PTPRD: variants seen among roughly 807,000 people sequenced by gnomAD.
PTPRD encodes the protein receptor-type tyrosine-protein phosphatase delta.
A neutral mutation model predicts 214.5 loss-of-function variants in PTPRD; 34 were observed. That is an observed-to-expected ratio of 0.16 (90% CI 0.12 to 0.21). PTPRD has a LOEUF of 0.21. Ranked by LOEUF, PTPRD falls within the 10% of genes least tolerant of loss-of-function variation. PTPRD has a pLI of 1.00. For missense variants in PTPRD, 2,545 were observed against 2,398.7 expected (o/e 1.06, Z -1.27); for synonymous variants, 1,128 against 845.7 (o/e 1.33, Z -5.79).
Position 8,340,325 on chromosome 9 carries a change from C to T in PTPRD, c.5253+18G>A. The T allele has an allele frequency of 6.3e-7, 1 of 1,583,214 alleles. No homozygotes were observed. Among genetic ancestry groups the T allele is most frequent in the South Asian group, 1.1e-5 (1 of 87,414 alleles). On this transcript the variant is annotated intron_variant, in intron 42 of 45. Transcript: ENST00000381196. ...AGTAAATGTCTTATGAGGAGACACACAAGGGCCACACACTTACTCTGCCCA... is the reference window on the plus strand; with the variant it reads ...AGTAAATGTCTTATGAGGAGACACATAAGGGCCACACACTTACTCTGCCCA...
chr9:9,865,965 C>G (rs7341919), intron 5 of PTPRD, among the ~76,000 whole-genome samples: 12,845 of 152,070 alleles, frequency 0.084, 1,286 homozygotes, highest in African/African-American at 0.24. Flanking sequence ...CTGAACAATT[C>G]AAGGAAGAGT....
intron 9 of PTPRD, among the ~76,000 whole-genome samples, chr9:9,206,646 C>A (rs954221062): frequency 6.6e-6 from 1 of 152,190 alleles, no homozygotes; most frequent in African/African-American, 2.4e-5. Flanking sequence ...TTGGAAAGAG[C>A]AGACTTGCTG....
chr9:8,773,831 T>G (rs1200560088), intron 11 of PTPRD, among the ~76,000 whole-genome samples: 1 of 152,196 alleles, frequency 6.6e-6, no homozygotes, highest in African/African-American at 2.4e-5. Context: ...CACTTGCACA[T>G]GCTGTTTCCT....
intron 3 of PTPRD, among the ~76,000 whole-genome samples, chr9:10,155,754 T>C (rs939136471): frequency 1.3e-5 from 2 of 152,190 alleles, no homozygotes; most frequent in Non-Finnish European, 2.9e-5. Context: ...ATTCATTGAT[T>C]TGCCTATATT....
At chr9:9,429,852 C>A (rs946275860) in intron 8 of PTPRD, among the ~76,000 whole-genome samples, 4 of 141,826 alleles carry the variant, frequency 2.8e-5, no homozygotes, top group Non-Finnish European at 3.0e-5. Context: ...AATTCAACAA[C>A]CCTTCATGCT....
intron 10 of PTPRD, chr9:9,090,801 TA>T (rs1483952482): frequency 2.9e-6 from 2 of 689,368 alleles, no homozygotes; most frequent in African/African-American, 3.5e-5. Context: ...ATTCTTCAAA[TA>T]ACTCTTAATG....
At chr9:8,591,384 A>G (rs1016277400) in intron 14 of PTPRD, among the ~76,000 whole-genome samples, 1 of 152,172 alleles carries the variant, frequency 6.6e-6, no homozygotes, top group Admixed American at 6.5e-5. Context: ...GAAAACTTCA[A>G]AGGAAGACAC....
Position 9,336,705 on chromosome 9 carries a change from A to G in PTPRD, c.-203+60744T>C, listed in dbSNP as rs146318529. ...GATAAATATCTATGAGATATATTATATAACTGCTTTACCTTATATGTGCCT... is the reference window on the plus strand; with the variant it reads ...GATAAATATCTATGAGATATATTATGTAACTGCTTTACCTTATATGTGCCT... On this transcript the variant is annotated intron_variant, in intron 9 of 45. Coordinates refer to ENST00000381196, the MANE Select transcript of PTPRD (RefSeq NM_002839.4). Among the ~76,000 whole-genome samples, 9 of 152,332 alleles carry G rather than the reference A, an allele frequency of 5.9e-5. No homozygotes were observed. In the East Asian group the frequency reaches 1.7e-3, roughly 29 times the overall value.
chr9:8,688,510 A>G (rs1466345621), intron 12 of PTPRD, among the ~76,000 whole-genome samples: 1 of 151,496 alleles, frequency 6.6e-6, no homozygotes. Context: ...GCTTGCAGTG[A>G]GCCGAGATCG....
At chr9:10,178,972 T>C (rs1365835242) in intron 3 of PTPRD, among the ~76,000 whole-genome samples, 2 of 151,288 alleles carry the variant, frequency 1.3e-5, no homozygotes, top group Non-Finnish European at 3.0e-5. Context: ...ACAATACTTT[T>C]CTAGAATTAA....
intron 5 of PTPRD, among the ~76,000 whole-genome samples, chr9:9,871,701 G>T (rs952656038): frequency 2.0e-5 from 3 of 150,704 alleles, no homozygotes; most frequent in South Asian, 2.1e-4. Flanking sequence ...GGGGCAGAGG[G>T]TATGCAACCT....
At chr9:8,666,620 A>C (rs1565124267) in intron 12 of PTPRD, among the ~76,000 whole-genome samples, 1 of 152,220 alleles carries the variant, frequency 6.6e-6, no homozygotes, top group Non-Finnish European at 1.5e-5. Context: ...GGAAGAGAAA[A>C]TACATGCACT....
chr9:9,497,237 G>A (rs1019095872), intron 8 of PTPRD, among the ~76,000 whole-genome samples: 5 of 152,104 alleles, frequency 3.3e-5, no homozygotes, highest in Admixed American at 2.6e-4. Flanking sequence ...AAAATGGTTA[G>A]GATAGTAACT....
At chr9:8,324,474 C>G (rs1440984297) in intron 44 of PTPRD, among the ~76,000 whole-genome samples, 1 of 152,134 alleles carries the variant, frequency 6.6e-6, no homozygotes, top group Non-Finnish European at 1.5e-5. Flanking sequence ...TGTATATGTG[C>G]CGCATTTTCT....
intron 12 of PTPRD, among the ~76,000 whole-genome samples, chr9:8,687,925 T>C (rs181782395): frequency 1.1e-4 from 16 of 152,234 alleles, no homozygotes; most frequent in African/African-American, 3.9e-4. Flanking sequence ...ATGTATAATG[T>C]CCCAAATAAT....
chr9:9,731,946 CACACA>C (rs151151492), intron 7 of PTPRD, among the ~76,000 whole-genome samples: 9,753 of 152,138 alleles, frequency 0.064, 365 homozygotes, highest in South Asian at 0.15. Context: ...AGAAAACATG[CACACA>C]ACACAAGAAC....
At position 9,368,147 on chromosome 9, in the gene PTPRD, G is replaced by C. The variant is rs939110695; in HGVS notation, c.-203+29302C>G. Among the ~76,000 whole-genome samples the C allele has an allele frequency of 7.2e-5, 11 of 151,814 alleles. No individual in the cohort carries two copies. In the South Asian group the frequency reaches 2.1e-3, roughly 29 times the overall value. Reference sequence around the variant, plus strand: ...TTTAAGTATGTCAAAAACTGATCAAGGCCCATGGGGTAAAACGTTAGACCT... The same window carrying C: ...TTTAAGTATGTCAAAAACTGATCAACGCCCATGGGGTAAAACGTTAGACCT... On this transcript the variant is annotated intron_variant, in intron 9 of 45. Coordinates refer to ENST00000381196, the MANE Select transcript of PTPRD (RefSeq NM_002839.4).
At chr9:9,454,867 ATAT>A (rs1285584317) in intron 8 of PTPRD, among the ~76,000 whole-genome samples, 5 of 151,278 alleles carry the variant, frequency 3.3e-5, no homozygotes, top group African/African-American at 1.2e-4. Context: ...ATATATATAC[ATAT>A]TATGCATGAT....
At chr9:8,849,394 T>C (rs1484288748) in intron 11 of PTPRD, among the ~76,000 whole-genome samples, 1 of 151,978 alleles carries the variant, frequency 6.6e-6, no homozygotes, top group Non-Finnish European at 1.5e-5. Flanking sequence ...GCCCAGCTTA[T>C]TTTTTGTATT....
Sources: gnomAD v4.1 joint callset for allele counts (sites outside exome capture counted in the v4.1 genomes callset) on GRCh38, gnomAD v4.1.1 for gene constraint, MANE v1.5 for transcripts, NCBI Gene and HGNC (gene_info 2026-07-23, HGNC 2026-07-21) for gene names.